Variants in CHD4 observed in about 807,000 individuals in gnomAD.
CHD4 encodes the protein ATP-dependent chromatin remodeler CHD4.
In CHD4, 35 loss-of-function variants were observed where a neutral mutation model predicts 235.5. The ratio of observed to expected loss-of-function variants is 0.15; its 90% CI spans 0.11 to 0.20. The LOEUF is 0.20. Among genes scored for constraint, CHD4 ranks in the 10% least tolerant of loss-of-function variants. The pLI, the probability that CHD4 is intolerant of heterozygous loss-of-function variation, is 1.00. For missense variants in CHD4, 1,329 were observed against 2,432.3 expected (o/e 0.55, Z 9.54); for synonymous variants, 900 against 850.2 (o/e 1.06, Z -1.02).
chr12:6,581,158 C>A lies in CHD4; in HGVS notation c.4795G>T (p.Ala1599Ser). The change falls in exon 33 of 40, where the codon GCC (alanine) becomes TCC (serine). Residue 1599 changes from alanine (A) to serine (S), a missense_variant. Transcript: ENST00000544040. ...ETAIECTQAP[A>S]PASEDEKVVV... ...ACCTTTTCATCCTCTGAGGCAGGGG[C>A]AGGGGCCTGTGTACACTTCAAAGGA... The A allele has an allele frequency of 6.2e-7, 1 of 1,614,054 alleles. No homozygotes were observed. Among genetic ancestry groups the A allele is most frequent in the Non-Finnish European group, 8.5e-7 (1 of 1,180,008 alleles).
Position 6,591,976 on chromosome 12 carries a change from A to G in CHD4, c.3030T>C (p.Asn1010=). The G allele has an allele frequency of 2.5e-6, 4 of 1,614,216 alleles. No homozygotes were observed. Among genetic ancestry groups the G allele is most frequent in the African/African-American group, 1.3e-5 (1 of 75,056 alleles). The change falls in exon 20 of 40, where the codon AAT becomes AAC. Residue 1010 remains asparagine, a synonymous_variant. Coordinates refer to ENST00000544040, the MANE Select transcript of CHD4 (RefSeq NM_001273.5). ...AGCACTTCTTAAGATCCATCACCAC[A>G]TTCAGCAGAGACACCTGGTTGCCAC... ...RGGGNQVSLL[N]VVMDLKKCCN... is the part of the protein sequence containing the mutation.
At position 6,593,350 on chromosome 12, in the gene CHD4, C is replaced by G; in HGVS notation, c.2514+66G>C. ...TTTTGCCTCACCAGGGACCAGATCA[C>G]AAGGAGGTAAACTAAGCCAGAAGCC... On this transcript the variant is annotated intron_variant, in intron 16 of 39. Coordinates refer to ENST00000544040, the MANE Select transcript of CHD4 (RefSeq NM_001273.5). The surrounding 1 kb of genome is among the most constrained non-coding windows in gnomAD (Gnocchi z 4.9). 1.2e-6 allele frequency: 2 copies of G among 1,600,068 alleles called. No homozygotes were observed. The highest frequency in any genetic ancestry group is 1.7e-6 in the Non-Finnish European group (2 of 1,169,054).
chr12:6,600,538 C>T lies in CHD4; in HGVS notation c.1059G>A (p.Lys353=). 6.3e-7 allele frequency: 1 copy of T among 1,581,466 alleles called. No individual in the cohort carries two copies. The highest frequency in any genetic ancestry group is 8.6e-7 in the Non-Finnish European group (1 of 1,159,762). Residue 353 remains lysine (K), a synonymous_variant, in exon 8 of 40, where the codon AAG becomes AAA. Transcript: ENST00000544040. ...ATATACAGAAGAGAAACACACCTTT[C>T]TTTTTCTTTTTAGTGGTTCGGAGTT... ...RKKLRTTKKK[K]KGEEEVTAVD...
At chr12:6,577,035 C>T (rs1194813296) in intron 37 of CHD4, among the ~76,000 whole-genome samples, 1 of 152,106 alleles carries the variant, frequency 6.6e-6, no homozygotes, top group African/African-American at 2.4e-5. Flanking sequence ...CTCCCGACTT[C>T]AAGCGATTCT....
intron 31 of CHD4, 100 bp downstream of exon 31, chr12:6,581,549 G>A (rs1331704772): frequency 1.3e-6 from 2 of 1,570,878 alleles, no homozygotes; most frequent in Non-Finnish European, 1.8e-6. Context: ...ATTGCTGTGT[G>A]TCCTGCCAGA....
At chr12:6,599,311 C>G (rs1427212463) in intron 10 of CHD4, among the ~76,000 whole-genome samples, 1 of 151,754 alleles carries the variant, frequency 6.6e-6, no homozygotes, top group Non-Finnish European at 1.5e-5. Flanking sequence ...GTGGCATGCA[C>G]CAGTACTCCT....
At chr12:6,592,646 A>G in intron 18 of CHD4, 50 bp downstream of exon 18, 1 of 1,592,766 alleles carries the variant, frequency 6.3e-7, no homozygotes, top group Non-Finnish European at 8.6e-7. Context: ...GGGCAACAGG[A>G]AGAATGAGAG....
At position 6,592,043 on chromosome 12, in the gene CHD4, T is replaced by C; in HGVS notation, c.2963A>G (p.Tyr988Cys). ...TGCTTCAAAATTTCGAGTGAGGATGTACTTGTAGTATTTCCTACATGGGCA... is the reference window on the plus strand; with the variant it reads ...TGCTTCAAAATTTCGAGTGAGGATGCACTTGTAGTATTTCCTACATGGGCA... ...LSPMQKKYYK[Y>C]ILTRNFEALN... Residue 988 changes from tyrosine (Y) to cysteine (C), a missense_variant, in exon 20 of 40, where the codon TAC (tyrosine) becomes TGC (cysteine). This residue lies in a region of CHD4 where 23 missense variants were observed against 130.0 expected (regional missense o/e 0.18). Coordinates refer to ENST00000544040, the MANE Select transcript of CHD4 (RefSeq NM_001273.5). 1 of 1,614,212 alleles carries C rather than the reference T, an allele frequency of 6.2e-7. No homozygotes were observed. Among genetic ancestry groups the C allele is most frequent in the Non-Finnish European group, 8.5e-7 (1 of 1,180,042 alleles).
At position 6,606,297 on chromosome 12, in the gene CHD4, T is replaced by C. The variant is rs780413744; in HGVS notation, c.77A>G (p.Asn26Ser). 5 of 1,586,038 alleles carry C rather than the reference T, an allele frequency of 3.2e-6. No homozygotes were observed. Among genetic ancestry groups the C allele is most frequent in the Non-Finnish European group, 4.3e-6 (5 of 1,167,710 alleles). ...ACCTGGGTGGGGTGGGGGCAGGCTG[T>C]TGTTCAAAAGTGCATCCATATCCTC... ...EEEDMDALLNNSLPPPHPENE... is the reference protein window; with the variant it reads ...EEEDMDALLNSSLPPPHPENE... Residue 26 changes from asparagine to serine, a missense_variant, in exon 2 of 40, where the codon AAC (asparagine) becomes AGC (serine). Coordinates refer to ENST00000544040, the MANE Select transcript of CHD4 (RefSeq NM_001273.5).
At chr12:6,581,935 TG>T in intron 30 of CHD4, 121 bp from the exon 31 acceptor site, 1 of 1,294,212 alleles carries the variant, frequency 7.7e-7, no homozygotes, top group Admixed American at 2.8e-5. Context: ...TCTGAGTAGC[TG>T]GGAATACAGG....
chr12:6,606,543 C>T (rs931952525), intron 1 of CHD4, 92 bp from the exon 2 acceptor site: 4 of 507,562 alleles, frequency 7.9e-6, no homozygotes, highest in Non-Finnish European at 1.4e-5. Flanking sequence ...CCCCCCACCC[C>T]AGCCACCCTA....
At chr12:6,571,066 G>A (rs748466140) in intron 38 of CHD4, 34 bp from the exon 39 acceptor site, 1 of 1,608,544 alleles carries the variant, frequency 6.2e-7, no homozygotes, top group South Asian at 1.1e-5. Context: ...GTGAGCTGTG[G>A]TGGCCCAGAC....
Position 6,593,222 on chromosome 12 carries a change from C to T in CHD4, c.2521G>A (p.Ala841Thr). 1 of 1,614,046 alleles carries T rather than the reference C, an allele frequency of 6.2e-7. No homozygotes were observed. The highest frequency in any genetic ancestry group is 8.5e-7 in the Non-Finnish European group (1 of 1,180,028). The change falls in exon 17 of 40, where the codon GCA becomes ACA. Residue 841 changes from alanine to threonine, a missense_variant. Physicochemically the swap from Ala to Thr is moderately conservative, Grantham distance 58. This residue lies in a region of CHD4 where 78 missense variants were observed against 174.8 expected (regional missense o/e 0.45). Coordinates refer to ENST00000544040, the MANE Select transcript of CHD4 (RefSeq NM_001273.5). The surrounding 1 kb of genome is among the most constrained non-coding windows in gnomAD (Gnocchi z 4.9). ...AGCAGCACATGGAATTTCACAGATG[C>T]CTCTTTCTGCACATGAAGGCAACTT... ...GKKASRMKKE[A>T]SVKFHVLLTS...
chr12:6,605,040 C>T (rs1252295807), intron 2 of CHD4, among the ~76,000 whole-genome samples: 1 of 152,178 alleles, frequency 6.6e-6, no homozygotes, highest in Admixed American at 6.5e-5. Context: ...AGTTTCTCAT[C>T]CCAACAGCCC....
At position 6,577,815 on chromosome 12, in the gene CHD4, G is replaced by T; in HGVS notation, c.5331C>A (p.Ile1777=). The change falls in exon 37 of 40, where the codon ATC becomes ATA. Residue 1777 remains isoleucine (I), a synonymous_variant. Transcript: ENST00000544040. ...GEMNRGNFLE[I]KNKFLARRFK... ...ACCTTCGAGCTAGAAATTTATTCTT[G>T]ATCTCTAAGAAATTGCCACGGTTCA... 1 of 1,614,170 alleles carries T rather than the reference G, an allele frequency of 6.2e-7. No homozygotes were observed. Among genetic ancestry groups the T allele is most frequent in the East Asian group, 2.2e-5 (1 of 44,890 alleles).
intron 22 of CHD4, among the ~76,000 whole-genome samples, chr12:6,591,045 C>T (rs1183050046): frequency 4.7e-5 from 7 of 150,472 alleles, no homozygotes; most frequent in African/African-American, 1.2e-4. Flanking sequence ...ACTGCTTGAA[C>T]CCGGGAGGCG....
In CHD4 at chr12:6,581,276, C is replaced by A; in HGVS notation, c.4779+15G>T. On this transcript the variant is annotated intron_variant, in intron 32 of 39. Transcript: ENST00000544040. Reference sequence around the variant, plus strand: ...ATTTGTCTTTAGTATGGCATTCAGTCACCCCATCTCTTACCTCAATGGCAG... The same window carrying A: ...ATTTGTCTTTAGTATGGCATTCAGTAACCCCATCTCTTACCTCAATGGCAG... The A allele has an allele frequency of 2.5e-6, 4 of 1,613,852 alleles. No homozygotes were observed. Among genetic ancestry groups the A allele is most frequent in the Non-Finnish European group, 3.4e-6 (4 of 1,179,888 alleles).
At position 6,571,046 on chromosome 12, in the gene CHD4, A is replaced by AAAAGAGGT. The variant is rs749408168; in HGVS notation, c.5558-22_5558-15dup. On this transcript the variant is annotated splice_polypyrimidine_tract_variant and intron_variant, in intron 38 of 39. Coordinates refer to ENST00000544040, the MANE Select transcript of CHD4 (RefSeq NM_001273.5). ...GCTGTTTCAGAACTGCATAGGGAGAAAAAGAGGTGGTGAGCTGTGGTGGCC... is the reference window on the plus strand; with the variant it reads ...GCTGTTTCAGAACTGCATAGGGAGAAAAAGAGGTAAAGAGGTGGTGAGCTGTGGTGGCC... 81 of 1,613,216 alleles carry AAAAGAGGT rather than the reference A, an allele frequency of 5.0e-5. No individual in the cohort carries two copies. The highest frequency in any genetic ancestry group is 5.9e-5 in the Non-Finnish European group (70 of 1,179,536).
intron 25 of CHD4, 76 bp from the exon 26 acceptor site, chr12:6,583,454 C>T: frequency 1.5e-6 from 2 of 1,297,986 alleles, no homozygotes; most frequent in Admixed American, 4.3e-5. Context: ...TCACAGTTCC[C>T]ACTCTGCTAG....
Sources: gnomAD v4.1 joint callset for allele counts (sites outside exome capture counted in the v4.1 genomes callset) on GRCh38, gnomAD v4.1.1 for gene constraint, gnomAD v4.1.1 regional missense constraint, Gnocchi (gnomAD v3.1) non-coding constraint, MANE v1.5 for transcripts, NCBI Gene and HGNC (gene_info 2026-07-23, HGNC 2026-07-21) for gene names.